The following STXBP5L variants were observed in gnomAD, a reference collection of about 807,000 sequenced individuals.
The protein encoded by STXBP5L is syntaxin-binding protein 5-like.
STXBP5L carries 65 observed loss-of-function variants against 144.5 expected under a neutral mutation model. The observed-to-expected ratio is 0.45, with a 90% CI of 0.37 to 0.55. The LOEUF (loss-of-function observed/expected upper bound fraction) is 0.55. STXBP5L is among the 20% of genes least tolerant of loss of function. STXBP5L has a pLI of 0.00. For synonymous variants in STXBP5L, 505 were observed against 469.6 expected, an observed-to-expected ratio of 1.08 and a Z score of -0.97; for missense variants, 1,298 against 1,405.5, an observed-to-expected ratio of 0.92 and a Z score of 1.22.
intron 15 of STXBP5L, among the ~76,000 whole-genome samples, chr3:121,252,053 A>G (rs338999): frequency 0.53 from 79,845 of 151,810 alleles, 21,595 homozygotes; most frequent in East Asian, 0.73. Context: ...CCTCAAAGTC[A>G]CTTTTTGGCT....
intron 22 of STXBP5L, among the ~76,000 whole-genome samples, chr3:121,400,332 C>T (rs1201239937): frequency 6.6e-6 from 1 of 152,172 alleles, no homozygotes; most frequent in Non-Finnish European, 1.5e-5. Context: ...GGGTCAGGCA[C>T]ATGCCTGGTG....
At chr3:121,059,296 T>C (rs1948660289) in intron 5 of STXBP5L, among the ~76,000 whole-genome samples, 1 of 152,114 alleles carries the variant, frequency 6.6e-6, no homozygotes, top group Non-Finnish European at 1.5e-5. Flanking sequence ...TGTGTGGTGT[T>C]ATTTCTGAGG....
chr3:121,121,377 C>A (rs1331247069), intron 6 of STXBP5L, among the ~76,000 whole-genome samples: 1 of 151,142 alleles, frequency 6.6e-6, no homozygotes, highest in Non-Finnish European at 1.5e-5. Flanking sequence ...ACAAACGTTT[C>A]AAATAATAAA....
At chr3:121,387,809 T>C (rs1424265851) in intron 22 of STXBP5L, among the ~76,000 whole-genome samples, 2 of 151,828 alleles carry the variant, frequency 1.3e-5, no homozygotes, top group South Asian at 4.1e-4. Flanking sequence ...TACTGTAGCC[T>C]TAATATAGTT....
At chr3:121,356,043 G>A (rs556108966) in intron 20 of STXBP5L, among the ~76,000 whole-genome samples, 2 of 152,228 alleles carry the variant, frequency 1.3e-5, no homozygotes, top group East Asian at 1.9e-4. Flanking sequence ...AAATATTGCT[G>A]CCTAATCCTT....
intron 19 of STXBP5L, among the ~76,000 whole-genome samples, chr3:121,305,951 CA>C (rs2108502076): frequency 6.6e-6 from 1 of 152,074 alleles, no homozygotes. Context: ...TGTCAGTAGA[CA>C]ACAATTAATT....
At chr3:121,148,756 G>T (rs1300829095) in intron 7 of STXBP5L, among the ~76,000 whole-genome samples, 1 of 151,888 alleles carries the variant, frequency 6.6e-6, no homozygotes, top group African/African-American at 2.4e-5. Context: ...AATATCCTAT[G>T]GATCAATATA....
chr3:121,254,243 G>T (rs186025448), intron 15 of STXBP5L, among the ~76,000 whole-genome samples: 11 of 152,128 alleles, frequency 7.2e-5, no homozygotes, highest in Non-Finnish European at 1.2e-4. Flanking sequence ...TTATCATCAT[G>T]GTCTCCAATG....
At position 121,418,674 on chromosome 3, in the gene STXBP5L, G is replaced by A. The variant is rs1235555177; in HGVS notation, c.3447+117G>A. ...TAAGTAATCCTGTATGAGAATCATG[G>A]TAACCTAGATCTCTTCTAAGTATTA... On this transcript the variant is annotated intron_variant, in intron 26 of 26. Transcript: ENST00000471454. 4 of 995,068 alleles carry A rather than the reference G, an allele frequency of 4.0e-6. No homozygotes were observed. In the African/African-American group the frequency reaches 4.9e-5, roughly 12 times the overall value. The allele number at this position is 995,068 out of a possible 1,614,324, so 61.6% of individuals were successfully genotyped here. A position where few individuals can be genotyped will look rare whatever the true frequency, so the allele number is the denominator to read the frequency against.
intron 18 of STXBP5L, among the ~76,000 whole-genome samples, chr3:121,268,138 G>A (rs6764570): frequency 0.099 from 15,118 of 152,196 alleles, 1,183 homozygotes; most frequent in Admixed American, 0.2. Context: ...GTCCACGATA[G>A]CAAAGACTTG....
At chr3:121,362,727 T>C (rs985364810) in intron 20 of STXBP5L, among the ~76,000 whole-genome samples, 1 of 152,068 alleles carries the variant, frequency 6.6e-6, no homozygotes, top group African/African-American at 2.4e-5. Flanking sequence ...GCTCTCCTCC[T>C]CTGTGGCTGT....
chr3:121,387,786 ATGC>A (rs2046462725), intron 22 of STXBP5L, among the ~76,000 whole-genome samples: 1 of 152,218 alleles, frequency 6.6e-6, no homozygotes, highest in Non-Finnish European at 1.5e-5. Context: ...TACCAGTACC[ATGC>A]TGTTTTCGTT....
At chr3:121,025,432 A>G (rs1945859050) in intron 3 of STXBP5L, among the ~76,000 whole-genome samples, 1 of 152,116 alleles carries the variant, frequency 6.6e-6, no homozygotes, top group African/African-American at 2.4e-5. Context: ...TAAATATTAT[A>G]ATGCAAATAT....
intron 5 of STXBP5L, among the ~76,000 whole-genome samples, chr3:121,062,061 G>A (rs1294231929): frequency 1.3e-5 from 2 of 152,124 alleles, no homozygotes; most frequent in African/African-American, 4.8e-5. Flanking sequence ...TCGTAGAGTC[G>A]ATGGTCTTTA....
intron 21 of STXBP5L, among the ~76,000 whole-genome samples, chr3:121,380,979 C>T (rs2046309830): frequency 6.6e-6 from 1 of 152,052 alleles, no homozygotes; most frequent in Admixed American, 6.6e-5. Flanking sequence ...ACTATTTAGA[C>T]TAAATCTTTT....
chr3:121,221,546 CA>C (rs2048974252), intron 10 of STXBP5L, among the ~76,000 whole-genome samples: 1 of 150,784 alleles, frequency 6.6e-6, no homozygotes, highest in African/African-American at 2.4e-5. Flanking sequence ...CAAAACAGAG[CA>C]AAAAACAAAG....
intron 19 of STXBP5L, 76 bp from the exon 20 acceptor site, chr3:121,318,399 T>A (rs2108530517): frequency 8.8e-7 from 1 of 1,136,562 alleles, no homozygotes; most frequent in South Asian, 1.9e-5. Context: ...CTTTTAAACT[T>A]GTAGGAATTA....
intron 3 of STXBP5L, among the ~76,000 whole-genome samples, chr3:121,010,190 G>T (rs1457929685): frequency 1.3e-5 from 2 of 151,718 alleles, no homozygotes; most frequent in Admixed American, 6.6e-5. Flanking sequence ...TAAGAGATTC[G>T]AGTCTTCCCC....
At chr3:121,020,654 T>G (rs1459033332) in intron 3 of STXBP5L, among the ~76,000 whole-genome samples, 1 of 151,946 alleles carries the variant, frequency 6.6e-6, no homozygotes, top group African/African-American at 2.4e-5. Context: ...TTTTATCAGG[T>G]GAAACTAAGC....
Sources: gnomAD v4.1 joint callset for allele counts (sites outside exome capture counted in the v4.1 genomes callset) on GRCh38, gnomAD v4.1.1 for gene constraint, MANE v1.5 for transcripts, NCBI Gene and HGNC (gene_info 2026-07-23, HGNC 2026-07-21) for gene names.